ITGA7: variants seen among roughly 807,000 people sequenced by gnomAD.
ITGA7 encodes the protein integrin alpha-7.
ITGA7 carries 84 observed loss-of-function variants against 131.6 expected under a neutral mutation model. The observed-to-expected ratio is 0.64, with a 90% CI of 0.54 to 0.77. The LOEUF (loss-of-function observed/expected upper bound fraction) is 0.77. ITGA7 is among the 30% of genes least tolerant of loss of function. The pLI, the probability that ITGA7 is intolerant of heterozygous loss-of-function variation, is 0.00. For missense variants in ITGA7, 1,399 were observed against 1,482.9 expected (o/e 0.94, Z 0.93); for synonymous variants, 548 against 600.7 (o/e 0.91, Z 1.28).
chr12:55,705,399 G>T (rs1221908877), intron 1 of ITGA7, among the ~76,000 whole-genome samples: 1 of 150,576 alleles, frequency 6.6e-6, no homozygotes, highest in Non-Finnish European at 1.5e-5. Flanking sequence ...AGTGTTGGCA[G>T]CTGGGGGGCA....
upstream of ITGA7, among the ~76,000 whole-genome samples, chr12:55,710,131 C>T (rs1466775352): frequency 2.6e-5 from 4 of 152,136 alleles, no homozygotes; most frequent in Non-Finnish European, 5.9e-5. Context: ...GAGGCCGAAG[C>T]AGGCGGATCA....
In ITGA7 at chr12:55,687,487, CTTT is replaced by C. The variant is rs34640494; in HGVS notation, c.3183+481_3183+483del. Among the ~76,000 whole-genome samples, 11 of 59,616 alleles carry C rather than the reference CTTT, an allele frequency of 1.8e-4. 1 individual carries two copies. The highest frequency in any genetic ancestry group is 7.2e-4 in the African/African-American group (9 of 12,472). 39.1% of individuals were successfully genotyped at this position (59,616 alleles called of 152,430 possible). On this transcript the variant is annotated intron_variant, in intron 24 of 24. Transcript: ENST00000257879. ...TACAGGCATGAGCCACCATGCCCGGCTTTTTTTTTTTTTTTTTTTTTTGAGATG... is the reference window on the plus strand; with the variant it reads ...TACAGGCATGAGCCACCATGCCCGGCTTTTTTTTTTTTTTTTTTTGAGATG...
In ITGA7 at chr12:55,694,855, C is replaced by T; in HGVS notation, c.2119G>A (p.Asp707Asn). The stretch of plus-strand genomic sequence containing the variant: ...ACCAGGAGCTGGGCTTCATGGGCAT[C>T]ATCCCCATCAGCCTGGGGCTGGGCT... ...DPAQPQADGD[D>N]AHEAQLLVML... Residue 707 changes from aspartate to asparagine, a missense_variant, in exon 15 of 25, where the codon GAT (aspartate) becomes AAT (asparagine). Coordinates refer to ENST00000257879, the MANE Select transcript of ITGA7 (RefSeq NM_002206.3). The surrounding 1 kb of genome is among the most constrained non-coding windows in gnomAD (Gnocchi z 5.3). 6.2e-7 allele frequency: 1 copy of T among 1,614,068 alleles called. No individual in the cohort carries two copies. The highest frequency in any genetic ancestry group is 8.5e-7 in the Non-Finnish European group (1 of 1,179,996).
At position 55,684,852 on chromosome 12, in the gene ITGA7, A is replaced by AT. The variant is rs1011336329; in HGVS notation, c.*205dup. ...ACCCTACCCCATGGCCCTGTCCCTG[A>AT]TTTACCCACTCTCATCTCACAGCAC... On this transcript the variant is annotated 3_prime_UTR_variant, in exon 25 of 25. Transcript: ENST00000257879. 8.5e-6 allele frequency: 5 copies of AT among 588,702 alleles called. No individual in the cohort carries two copies. Among genetic ancestry groups the AT allele is most frequent in the African/African-American group, 3.7e-5 (2 of 53,674 alleles). 36.5% of individuals were successfully genotyped at this position (588,702 alleles called of 1,614,324 possible). A position where few individuals can be genotyped will look rare whatever the true frequency, so the allele number is the denominator to read the frequency against.
upstream of ITGA7, chr12:55,716,111 A>T: frequency 1.9e-6 from 3 of 1,605,788 alleles, no homozygotes; most frequent in Non-Finnish European, 2.6e-6. Context: ...GGCCCGGCGT[A>T]CCCAGCCCCC....
At chr12:55,693,970 T>C (rs762091114) in intron 19 of ITGA7, 51 bp downstream of exon 19, 3 of 1,432,180 alleles carry the variant, frequency 2.1e-6, no homozygotes, top group African/African-American at 1.4e-5. Context: ...GCCTCTCCTC[T>C]GTGCCAAGGA....
upstream of ITGA7, among the ~76,000 whole-genome samples, chr12:55,713,727 G>A (rs1331488574): frequency 1.3e-5 from 2 of 152,026 alleles, no homozygotes; most frequent in Non-Finnish European, 2.9e-5. Flanking sequence ...TTTTTATTTT[G>A]GCACTTAAAA....
intron 10 of ITGA7, 53 bp from the exon 11 acceptor site, chr12:55,697,330 C>T: frequency 1.3e-6 from 2 of 1,576,616 alleles, no homozygotes; most frequent in East Asian, 2.3e-5. Flanking sequence ...GGCCAAGGCC[C>T]CTACCCCCAC....
chr12:55,693,087 A>T, intron 20 of ITGA7, 54 bp downstream of exon 20: 1 of 1,609,478 alleles, frequency 6.2e-7, no homozygotes, highest in Non-Finnish European at 8.5e-7. Flanking sequence ...CACTACCCTT[A>T]CTCCCCATAA....
chr12:55,716,201 G>A (rs1216699608), upstream of ITGA7: 3 of 1,606,028 alleles, frequency 1.9e-6, no homozygotes, highest in Non-Finnish European at 2.6e-6. Flanking sequence ...TGCAGGGTGA[G>A]CCAAATATCC....
intron 3 of ITGA7, among the ~76,000 whole-genome samples, chr12:55,702,160 C>T (rs1402442580): frequency 2.6e-5 from 4 of 151,094 alleles, no homozygotes; most frequent in Non-Finnish European, 1.5e-5. Flanking sequence ...GGATTACAGG[C>T]GCCTGCCACC....
chr12:55,696,161 G>A, intron 13 of ITGA7, 122 bp downstream of exon 13: 1 of 1,058,050 alleles, frequency 9.5e-7, no homozygotes, highest in Non-Finnish European at 1.4e-6. Flanking sequence ...GAGATATGAG[G>A]AATTACTGGA....
chr12:55,685,679 A>G (rs537189959), intron 24 of ITGA7, among the ~76,000 whole-genome samples: 1 of 152,298 alleles, frequency 6.6e-6, no homozygotes, highest in South Asian at 2.1e-4. Flanking sequence ...AGTCCCCTGC[A>G]TCTCTGGAAT....
intron 1 of ITGA7, 48 bp downstream of exon 1, chr12:55,707,429 C>G: frequency 6.8e-7 from 1 of 1,469,868 alleles, no homozygotes; most frequent in East Asian, 2.3e-5. Flanking sequence ...GGGAGGGGGA[C>G]GATCTGTGGC....
intron 21 of ITGA7, among the ~76,000 whole-genome samples, chr12:55,691,374 A>G (rs1002244338): frequency 6.6e-6 from 1 of 152,012 alleles, no homozygotes; most frequent in African/African-American, 2.4e-5. Context: ...TTTCAGTTAG[A>G]CAGAAGGAAG....
intron 22 of ITGA7, 117 bp downstream of exon 22, chr12:55,688,727 A>C: frequency 1.3e-6 from 1 of 793,378 alleles, no homozygotes; most frequent in Non-Finnish European, 2.1e-6. Flanking sequence ...CGTCTCAAAA[A>C]AAAAAAAAAG....
upstream of ITGA7, among the ~76,000 whole-genome samples, chr12:55,711,451 C>T (rs1876105376): frequency 6.7e-6 from 1 of 150,242 alleles, no homozygotes; most frequent in Non-Finnish European, 1.5e-5. Flanking sequence ...GCACTCCAGC[C>T]TGGGGGACAC....
Position 55,696,420 on chromosome 12 carries a change from C to T in ITGA7, c.1750G>A (p.Asp584Asn), listed in dbSNP as rs1872639216. The change falls in exon 13 of 25, where the codon GAC becomes AAC. Residue 584 changes from aspartate to asparagine, a missense_variant. Asp to Asn is a conservative substitution (Grantham distance 23, BLOSUM62 1). Transcript: ENST00000257879. ...GTCACTACAATGGCCCGAAGCTTGT[C>T]TTTGACATTTTCCTAGGAAGAGGAA... is the stretch of plus-strand genomic sequence containing the variant. ...AMFQLQENVKDKLRAIVVTLS... is the reference protein window; with the variant it reads ...AMFQLQENVKNKLRAIVVTLS... The T allele has an allele frequency of 6.2e-7, 1 of 1,600,372 alleles. No homozygotes were observed. Among genetic ancestry groups the T allele is most frequent in the Non-Finnish European group, 8.5e-7 (1 of 1,172,302 alleles).
chr12:55,697,457 G>C lies in ITGA7; in HGVS notation c.1499C>G (p.Ser500Trp). The change falls in exon 10 of 25, where the codon TCG becomes TGG. Residue 500 changes from serine to tryptophan, a missense_variant. Physicochemically the swap from Ser to Trp is radical, Grantham distance 177 (BLOSUM62 -3). Coordinates refer to ENST00000257879, the MANE Select transcript of ITGA7 (RefSeq NM_002206.3). ...CCACCCGATCCCACCTCACCAGACC[G>C]AGTGGCCGCCAGCACAGTTGGGCTG... ...LEQPNCAGGH[S>W]VCVDLRVCFS... The C allele has an allele frequency of 6.2e-7, 1 of 1,613,968 alleles. No homozygotes were observed. Among genetic ancestry groups the C allele is most frequent in the Non-Finnish European group, 8.5e-7 (1 of 1,179,970 alleles).
Sources: allele counts gnomAD v4.1 joint callset (sites outside exome capture counted in the v4.1 genomes callset), GRCh38; gene constraint gnomAD v4.1.1; non-coding constraint Gnocchi (gnomAD v3.1); transcripts MANE v1.5; gene names NCBI Gene and HGNC (gene_info 2026-07-23, HGNC 2026-07-21).